NOX5: variants seen among roughly 807,000 people sequenced by gnomAD.
The protein encoded by NOX5 is NADPH oxidase 5.
NOX5 carries 76 observed loss-of-function variants against 85.7 expected under a neutral mutation model. That is an observed-to-expected ratio of 0.89 (90% CI 0.74 to 1.07). The LOEUF (loss-of-function observed/expected upper bound fraction) is 1.07. NOX5 is among the 50% of genes least tolerant of loss of function. The pLI, the probability that NOX5 is intolerant of heterozygous loss-of-function variation, is 0.00. For missense variants in NOX5, 973 were observed against 999.5 expected (o/e 0.97, Z 0.36); for synonymous variants, 405 against 401.4 (o/e 1.01, Z -0.11).
chr15:69,039,675 C>T (rs568253433), intron 9 of NOX5, among the ~76,000 whole-genome samples: 22 of 152,178 alleles, frequency 1.4e-4, no homozygotes, highest in Non-Finnish European at 2.8e-4. Context: ...CTTATAGAGC[C>T]CCAAGGCAGC....
At chr15:69,049,142 A>C in intron 14 of NOX5, 84 bp downstream of exon 14, 1 of 796,118 alleles carries the variant, frequency 1.3e-6, no homozygotes, top group Non-Finnish European at 1.9e-6. Flanking sequence ...TTGATATGAA[A>C]CTCACGTAAC....
chr15:69,037,166 A>C lies in NOX5; in HGVS notation c.1327A>C (p.Met443Leu). ...GGCCATCGGACTGGCAGTGTCCCGC[A>C]TGGCAGCCGTGTGCATCATGGAAGT... ...EKAIGLAVSR[M>L]AAVCIMEVNL... Residue 443 changes from methionine (M) to leucine (L), a missense_variant, in exon 8 of 16, where the codon ATG becomes CTG. Transcript: ENST00000388866. The C allele has an allele frequency of 1.2e-6, 2 of 1,613,934 alleles. No individual in the cohort carries two copies. Among genetic ancestry groups the C allele is most frequent in the Non-Finnish European group, 1.7e-6 (2 of 1,180,026 alleles).
intron 9 of NOX5, among the ~76,000 whole-genome samples, chr15:69,040,569 G>C (rs1251570432): frequency 6.6e-6 from 1 of 152,144 alleles, no homozygotes; most frequent in African/African-American, 2.4e-5. Flanking sequence ...CCTTTTTGTG[G>C]CTGCATGGTA....
chr15:69,042,657 T>C lies in NOX5; in HGVS notation c.1505-6T>C. ...TCCTTTCCCCTCCCACTCTTCTCTTTCTCAGACACTATCTGGCTGCACATT... is the reference window on the plus strand; with the variant it reads ...TCCTTTCCCCTCCCACTCTTCTCTTCCTCAGACACTATCTGGCTGCACATT... On this transcript the variant is annotated splice_polypyrimidine_tract_variant and splice_region_variant and intron_variant, in intron 9 of 15. Transcript: ENST00000388866. 1 of 1,612,068 alleles carries C rather than the reference T, an allele frequency of 6.2e-7. No individual in the cohort carries two copies. The highest frequency in any genetic ancestry group is 8.5e-7 in the Non-Finnish European group (1 of 1,179,478).
intron 10 of NOX5, among the ~76,000 whole-genome samples, chr15:69,044,979 G>A (rs549270532): frequency 2.0e-5 from 3 of 152,094 alleles, no homozygotes; most frequent in South Asian, 2.1e-4. Context: ...GCCGCAGGAC[G>A]AAGACCTGGT....
chr15:69,026,406 C>T (rs112665875), intron 1 of NOX5, 122 bp from the exon 2 acceptor site: 9 of 1,218,678 alleles, frequency 7.4e-6, no homozygotes, highest in East Asian at 2.5e-5. Flanking sequence ...CTGATTGACC[C>T]GATTCAACTC....
At chr15:69,048,665 G>A (rs2050707371) in intron 13 of NOX5, among the ~76,000 whole-genome samples, 1 of 152,162 alleles carries the variant, frequency 6.6e-6, no homozygotes, top group Non-Finnish European at 1.5e-5. Context: ...AGTAATTTAT[G>A]TTTTTCTGGC....
chr15:69,062,378 A>C lies in NOX5; in HGVS notation c.*5682A>C, dbSNP rs1327879310. 1 of 151,976 alleles carries C rather than the reference A, an allele frequency of 6.6e-6. No homozygotes were observed. Among genetic ancestry groups the C allele is most frequent in the Non-Finnish European group, 1.5e-5 (1 of 68,006 alleles). 9.4% of individuals were successfully genotyped at this position (151,976 alleles called of 1,614,324 possible). A position where few individuals can be genotyped will look rare whatever the true frequency, so the allele number is the denominator to read the frequency against. On this transcript the variant is annotated 3_prime_UTR_variant, in exon 16 of 16. Transcript: ENST00000388866. ...TCCTCCACACACTGCTGTGGGTCTGACTGCACACCTTCTTTTTGGAGGACT... is the reference window on the plus strand; with the variant it reads ...TCCTCCACACACTGCTGTGGGTCTGCCTGCACACCTTCTTTTTGGAGGACT...
chr15:69,047,555 T>TG lies in NOX5; in HGVS notation c.1817+18_1817+19insG. 6.2e-7 allele frequency: 1 copy of TG among 1,609,504 alleles called. No individual in the cohort carries two copies. Among genetic ancestry groups the TG allele is most frequent in the Middle Eastern group, 1.7e-4 (1 of 6,038 alleles). ...ATGTACAGGTGGGTGAACAGTGTGCTCCTGCCTGCATCCTGGGTCAGAGCC... is the reference window on the plus strand; with the variant it reads ...ATGTACAGGTGGGTGAACAGTGTGCTGCCTGCCTGCATCCTGGGTCAGAGCC... On this transcript the variant is annotated intron_variant, in intron 12 of 15. Transcript: ENST00000388866.
At chr15:69,033,381 AG>A in intron 5 of NOX5, 104 bp downstream of exon 5, 1 of 1,305,116 alleles carries the variant, frequency 7.7e-7, no homozygotes, top group Non-Finnish European at 1.0e-6. Context: ...ATGCCAGGGC[AG>A]GGTGGCACCT....
At chr15:69,040,122 G>A (rs2050575098) in intron 9 of NOX5, among the ~76,000 whole-genome samples, 1 of 152,258 alleles carries the variant, frequency 6.6e-6, no homozygotes, top group South Asian at 2.1e-4. Context: ...AGCTCACGAT[G>A]TAGACCCAAG....
chr15:69,052,821 A>G (rs930384685), intron 14 of NOX5, among the ~76,000 whole-genome samples: 8 of 152,210 alleles, frequency 5.3e-5, no homozygotes, highest in Admixed American at 3.3e-4. Flanking sequence ...TTTATATAAC[A>G]TTGACTTCAT....
intron 1 of NOX5, chr15:69,023,145 G>C: frequency 2.7e-6 from 1 of 364,284 alleles, no homozygotes; most frequent in Non-Finnish European, 5.2e-6. Flanking sequence ...GTATTAAACA[G>C]AGAGGAAGAA....
intron 14 of NOX5, among the ~76,000 whole-genome samples, chr15:69,050,561 T>C (rs2050735304): frequency 6.6e-6 from 1 of 152,186 alleles, no homozygotes; most frequent in South Asian, 2.1e-4. Context: ...AGGCTAATTT[T>C]GTGTTTTTAG....
intron 2 of NOX5, among the ~76,000 whole-genome samples, chr15:69,027,432 G>A (rs2050372245): frequency 6.6e-6 from 1 of 152,158 alleles, no homozygotes; most frequent in South Asian, 2.1e-4. Flanking sequence ...GAAAGCCAAG[G>A]CAAGGTGGCA....
chr15:69,017,249 T>A (rs1460513807), intron 1 of NOX5, among the ~76,000 whole-genome samples: 1 of 152,088 alleles, frequency 6.6e-6, no homozygotes, highest in Non-Finnish European at 1.5e-5. Context: ...CCTCCTGGGC[T>A]CAAGCAGTTC....
At chr15:69,030,960 G>T (rs1274273824) in intron 3 of NOX5, 1 of 152,944 alleles carries the variant, frequency 6.5e-6, no homozygotes, top group Non-Finnish European at 1.5e-5. Flanking sequence ...AGCAGGCCAA[G>T]AAATCATTAA....
Position 69,055,318 on chromosome 15 carries a change from G to T in NOX5, c.2000-16G>T, listed in dbSNP as rs777236281. 1.2e-6 allele frequency: 2 copies of T among 1,613,024 alleles called. No individual in the cohort carries two copies. Among genetic ancestry groups the T allele is most frequent in the Non-Finnish European group, 1.7e-6 (2 of 1,179,196 alleles). On this transcript the variant is annotated splice_polypyrimidine_tract_variant and intron_variant, in intron 14 of 15. Coordinates refer to ENST00000388866, the MANE Select transcript of NOX5 (RefSeq NM_024505.4). ...GTACTAGACCCTCAGTGCAGCCCTTGTCCCCTGCCCAACAGGCCGCTTCCT... is the reference window on the plus strand; with the variant it reads ...GTACTAGACCCTCAGTGCAGCCCTTTTCCCCTGCCCAACAGGCCGCTTCCT...
intron 6 of NOX5, 33 bp downstream of exon 6, chr15:69,035,540 G>C (rs2050503953): frequency 6.2e-7 from 1 of 1,611,056 alleles, no homozygotes; most frequent in African/African-American, 1.3e-5. Context: ...GGGTCGGGGA[G>C]AAGCTTGAGC....
Sources: allele counts gnomAD v4.1 joint callset (sites outside exome capture counted in the v4.1 genomes callset), GRCh38; gene constraint gnomAD v4.1.1; transcripts MANE v1.5; gene names NCBI Gene and HGNC (gene_info 2026-07-23, HGNC 2026-07-21).